NMRAL1: variants seen among roughly 807,000 people sequenced by gnomAD.
The protein encoded by NMRAL1 is NmrA like redox sensor 1.
Under a neutral mutation model 27.5 loss-of-function variants are expected in NMRAL1, and 32 were observed. The observed-to-expected ratio is 1.16, with a 90% CI of 0.88 to 1.56. NMRAL1 has a LOEUF of 1.56. Ranked by LOEUF, NMRAL1 falls within the 40% of genes most tolerant of loss-of-function variation. The pLI, the probability that NMRAL1 is intolerant of heterozygous loss-of-function variation, is 0.00. For missense variants in NMRAL1, 420 were observed against 392.0 expected (o/e 1.07, Z -0.60); for synonymous variants, 166 against 166.8 (o/e 1.00, Z 0.04).
At chr16:4,462,392 C>T (rs1250160748) in intron 5 of NMRAL1, among the ~76,000 whole-genome samples, 1 of 152,138 alleles carries the variant, frequency 6.6e-6, no homozygotes, top group African/African-American at 2.4e-5. Context: ...ACAGGAGAAT[C>T]GCTTGAAACC....
chr16:4,467,266 C>T (rs1392854195), intron 3 of NMRAL1: 1 of 152,386 alleles, frequency 6.6e-6, no homozygotes, highest in African/African-American at 2.4e-5. Context: ...TGGACTCTCA[C>T]TCTGTCACCC....
chr16:4,469,235 C>T lies in NMRAL1; in HGVS notation c.271G>A (p.Val91Ile), dbSNP rs1567356815. 2 of 1,613,016 alleles carry T rather than the reference C, an allele frequency of 1.2e-6. No individual in the cohort carries two copies. The highest frequency in any genetic ancestry group is 1.7e-5 in the Admixed American group (1 of 59,992). ...CTCCTGCCTGCCCTCACCTGCTTGA[C>T]CTCCTGCTCCTGGCTGCAGCTCTCC... Reference protein sequence around the residue: ...YWESCSQEQEVKQGKLLADLA... With the variant: ...YWESCSQEQEIKQGKLLADLA... Residue 91 changes from valine (V) to isoleucine (I), a missense_variant, in exon 3 of 6, where the codon GTC (valine) becomes ATC (isoleucine). Physicochemically the swap from Val to Ile is conservative, Grantham distance 29. Transcript: ENST00000283429.
At chr16:4,469,747 C>G (rs1215423237) in intron 2 of NMRAL1, 2 of 447,794 alleles carry the variant, frequency 4.5e-6, no homozygotes, top group Non-Finnish European at 7.9e-6. Flanking sequence ...CATGCCTGTA[C>G]TCCCAGCTAC....
chr16:4,472,364 C>G (rs1425301402), intron 2 of NMRAL1, among the ~76,000 whole-genome samples: 1 of 151,234 alleles, frequency 6.6e-6, no homozygotes, highest in Non-Finnish European at 1.5e-5. Flanking sequence ...ATTGCTTGAA[C>G]CCGGGAGGCA....
At chr16:4,463,896 G>T (rs746104151) in intron 4 of NMRAL1, 46 bp from the exon 5 acceptor site, 1 of 1,556,944 alleles carries the variant, frequency 6.4e-7, no homozygotes, top group East Asian at 2.3e-5. Flanking sequence ...AGGGCAGACA[G>T]GGGCAGGGAC....
chr16:4,463,378 A>T (rs951395620), intron 5 of NMRAL1: 16 of 501,892 alleles, frequency 3.2e-5, no homozygotes, highest in Non-Finnish European at 5.2e-5. Context: ...ATTCCCTCCC[A>T]CAGAGGAGCC....
intron 1 of NMRAL1, 26 bp from the exon 2 acceptor site, chr16:4,474,192 T>G: frequency 6.4e-7 from 1 of 1,563,736 alleles, no homozygotes; most frequent in Non-Finnish European, 8.7e-7. Context: ...GGCGTGGAGT[T>G]GGGGGTGGGG....
intron 3 of NMRAL1, 37 bp from the exon 4 acceptor site, chr16:4,466,439 A>AGAAGGATGTCTGTCCCT (rs1485768377): frequency 6.3e-7 from 1 of 1,599,286 alleles, no homozygotes; most frequent in African/African-American, 1.3e-5. Context: ...AAGGCTCAGA[A>AGAAGGATGTCTGTCCCT]GAAGGATGTC....
intron 4 of NMRAL1, 44 bp downstream of exon 4, chr16:4,466,109 A>T: frequency 6.2e-7 from 1 of 1,608,996 alleles, no homozygotes; most frequent in Non-Finnish European, 8.5e-7. Context: ...ACGGCTTTAC[A>T]GGGTGAGAGC....
rs370091440 is a variant in NMRAL1 at position 4,463,335 on chromosome 16, C to T, written c.720+325G>A. ...AAATCCCCTCCCACAGGGGAGGGGT[C>T]GGGTCTATCTTTCCAGACTCTTTTC... On this transcript the variant is annotated intron_variant, in intron 5 of 5. Coordinates refer to ENST00000283429, the MANE Select transcript of NMRAL1 (RefSeq NM_020677.6). 51 of 410,434 alleles carry T rather than the reference C, an allele frequency of 1.2e-4. No homozygotes were observed. The South Asian group carries it at 1.4e-3, about 11-fold the overall frequency. The allele number at this position is 410,434 out of a possible 1,614,324, so 25.4% of individuals were successfully genotyped here.
Position 4,463,672 on chromosome 16 carries a change from C to T in NMRAL1, c.708G>A (p.Val236=), listed in dbSNP as rs1346959203. 6 of 1,613,508 alleles carry T rather than the reference C, an allele frequency of 3.7e-6. No individual in the cohort carries two copies. The highest frequency in any genetic ancestry group is 3.3e-5 in the South Asian group (3 of 91,074). ...ALLTKHTRKV[V]HDAKMTPEDY... ...GCGGGAGGCCCACCTTGGCATCGTG[C>T]ACGACCTTGCGGGTGTGCTTGGTGA... is the stretch of plus-strand genomic sequence containing the variant. The change falls in exon 5 of 6, where the codon GTG becomes GTA. Residue 236 remains valine, a synonymous_variant. Coordinates refer to ENST00000283429, the MANE Select transcript of NMRAL1 (RefSeq NM_020677.6).
In NMRAL1 at chr16:4,464,776, G is replaced by A. The variant is rs560476671; in HGVS notation, c.530-926C>T. 7.2e-5 allele frequency among the ~76,000 whole-genome samples: 11 copies of A among 151,736 alleles called. No homozygotes were observed. In the South Asian group the frequency reaches 8.3e-4, roughly 11 times the overall value. On this transcript the variant is annotated intron_variant, in intron 4 of 5. Coordinates refer to ENST00000283429, the MANE Select transcript of NMRAL1 (RefSeq NM_020677.6). ...ACTACAGGCGCCTGCCGCCACACCCGGCTAAGTTTTTGTATTTTTAGTAGA... is the reference window on the plus strand; with the variant it reads ...ACTACAGGCGCCTGCCGCCACACCCAGCTAAGTTTTTGTATTTTTAGTAGA...
At chr16:4,470,779 C>G (rs1336378046) in intron 2 of NMRAL1, among the ~76,000 whole-genome samples, 2 of 152,000 alleles carry the variant, frequency 1.3e-5, no homozygotes, top group Admixed American at 6.6e-5. Context: ...AACCCTGTCT[C>G]TACTAAAAAT....
upstream of NMRAL1, among the ~76,000 whole-genome samples, chr16:4,475,261 C>G (rs1035175267): frequency 4.0e-5 from 6 of 151,568 alleles, no homozygotes; most frequent in Non-Finnish European, 5.9e-5. Context: ...CCCTAACTCA[C>G]TTCTGAAGTT....
Position 4,464,259 on chromosome 16 carries a change from C to T in NMRAL1, c.530-409G>A, listed in dbSNP as rs151212543. 1.0e-4 allele frequency: 23 copies of T among 219,540 alleles called. No homozygotes were observed. The East Asian group carries it at 2.7e-3, about 26-fold the overall frequency. 13.6% of individuals were successfully genotyped at this position (219,540 alleles called of 1,614,324 possible). A position where few individuals can be genotyped will look rare whatever the true frequency, so the allele number is the denominator to read the frequency against. The stretch of plus-strand genomic sequence containing the variant: ...AATCTGGAGGCACCAGCCTGAAGTA[C>T]TCTGTCATATCCTAGATTCCTGGAA... On this transcript the variant is annotated intron_variant, in intron 4 of 5. Transcript: ENST00000283429.
chr16:4,464,793 T>A (rs2057253671), intron 4 of NMRAL1, among the ~76,000 whole-genome samples: 1 of 150,278 alleles, frequency 6.7e-6, no homozygotes. Context: ...TTTTTGTATT[T>A]TTAGTAGAGA....
chr16:4,466,734 G>C (rs2057345460), intron 3 of NMRAL1: 1 of 311,134 alleles, frequency 3.2e-6, no homozygotes, highest in Non-Finnish European at 6.2e-6. Flanking sequence ...AGAACACCCT[G>C]CCCATGGAGC....
rs138190658 is a variant in NMRAL1, at chr16:4,466,249, C to T, written c.433G>A (p.Val145Ile). ...EVEEYFRDIG[V>I]PMTSVRLPCY... ...GGCAGCCGCACACTGGTCATGGGAA[C>T]GCCAATGTCCCGGAAATATTCCTCC... Residue 145 changes from valine to isoleucine, a missense_variant, in exon 4 of 6, where the codon GTT becomes ATT. Transcript: ENST00000283429. 92 of 1,614,122 alleles carry T rather than the reference C, an allele frequency of 5.7e-5. 1 individual carries two copies. In the East Asian group the frequency reaches 8.2e-4, roughly 14 times the overall value.
chr16:4,463,893 A>T (rs2057212882), intron 4 of NMRAL1, 43 bp from the exon 5 acceptor site: 5 of 1,566,314 alleles, frequency 3.2e-6, no homozygotes, highest in Admixed American at 3.5e-5. Context: ...CCGAGGGCAG[A>T]CAGGGGCAGG....
Sources: gnomAD v4.1 joint callset for allele counts (sites outside exome capture counted in the v4.1 genomes callset) on GRCh38, gnomAD v4.1.1 for gene constraint, MANE v1.5 for transcripts, NCBI Gene and HGNC (gene_info 2026-07-23, HGNC 2026-07-21) for gene names.